SPAG16: variants seen among roughly 807,000 people sequenced by gnomAD.
The protein encoded by SPAG16 is sperm-associated antigen 16 protein.
SPAG16 carries 86 observed loss-of-function variants against 80.4 expected under a neutral mutation model. The ratio of observed to expected loss-of-function variants is 1.07; its 90% confidence interval spans 0.90 to 1.28. SPAG16 has a LOEUF of 1.28. Among genes scored for constraint, SPAG16 ranks in the 50% most tolerant of loss-of-function variants. The probability of loss-of-function intolerance (pLI) is 0.00; values close to 1 mark genes in which losing one functional copy is unlikely to be tolerated. For synonymous variants in SPAG16, 294 were observed against 265.9 expected (o/e 1.11, Z -1.03); for missense variants, 870 against 765.3 (o/e 1.14, Z -1.61).
intron 10 of SPAG16, among the ~76,000 whole-genome samples, chr2:213,590,710 A>G (rs1315829763): frequency 6.6e-6 from 1 of 152,200 alleles, no homozygotes; most frequent in Non-Finnish European, 1.5e-5. Flanking sequence ...TGGGAATGCA[A>G]ATTAGTTCAG....
chr2:214,151,730 C>G (rs1049807458), intron 15 of SPAG16, among the ~76,000 whole-genome samples: 1 of 151,522 alleles, frequency 6.6e-6, no homozygotes, highest in Admixed American at 6.6e-5. Flanking sequence ...TTATATACAC[C>G]TAGCGTGTTA....
chr2:214,131,786 G>C (rs1206064238), intron 14 of SPAG16, among the ~76,000 whole-genome samples: 1 of 152,188 alleles, frequency 6.6e-6, no homozygotes, highest in Non-Finnish European at 1.5e-5. Flanking sequence ...AAAGATCAGT[G>C]GTTGCCAGGG....
At chr2:213,337,430 T>G (rs1050476314) in intron 5 of SPAG16, among the ~76,000 whole-genome samples, 1 of 152,140 alleles carries the variant, frequency 6.6e-6, no homozygotes, top group Non-Finnish European at 1.5e-5. Context: ...TTCACTGAGC[T>G]AAAGAATTAT....
intron 15 of SPAG16, among the ~76,000 whole-genome samples, chr2:214,237,910 A>G (rs1017312968): frequency 3.3e-5 from 5 of 152,114 alleles, no homozygotes; most frequent in Non-Finnish European, 1.5e-5. Context: ...TTTAATTCCT[A>G]TGTTTCATGT....
intron 15 of SPAG16, among the ~76,000 whole-genome samples, chr2:214,293,978 T>G (rs1018326614): frequency 6.6e-6 from 1 of 152,190 alleles, no homozygotes; most frequent in African/African-American, 2.4e-5. Flanking sequence ...GTGGATTTGT[T>G]CTTTGGGTGT....
At chr2:214,074,919 A>T (rs1255037757) in intron 13 of SPAG16, among the ~76,000 whole-genome samples, 1 of 152,188 alleles carries the variant, frequency 6.6e-6, no homozygotes, top group African/African-American at 2.4e-5. Context: ...TGGGAAAAGA[A>T]TATTAATAAT....
At position 213,893,809 on chromosome 2, in the gene SPAG16, C is replaced by T. The variant is rs535583396; in HGVS notation, c.1214+31181C>T. Among the ~76,000 whole-genome samples, 9 of 151,940 alleles carry T rather than the reference C, an allele frequency of 5.9e-5. No homozygotes were observed. The East Asian group carries it at 1.7e-3, about 29-fold the overall frequency. ...AGCAGAGAAAATCAAAATCTTTTAA[C>T]TACAAAAGAATACAACAAGAAAGAA... On this transcript the variant is annotated intron_variant, in intron 11 of 15. Coordinates refer to ENST00000331683, the MANE Select transcript of SPAG16 (RefSeq NM_024532.5).
intron 10 of SPAG16, among the ~76,000 whole-genome samples, chr2:213,806,742 T>C (rs1207986966): frequency 6.6e-6 from 1 of 152,188 alleles, no homozygotes; most frequent in Non-Finnish European, 1.5e-5. Context: ...AGTTAAGGCA[T>C]GGATGATTTT....
intron 12 of SPAG16, among the ~76,000 whole-genome samples, chr2:213,997,010 T>C (rs898661840): frequency 6.6e-6 from 1 of 152,216 alleles, no homozygotes; most frequent in Non-Finnish European, 1.5e-5. Flanking sequence ...ACAACATCCT[T>C]TGGGTAAATG....
At chr2:213,538,106 T>G (rs1367268781) in intron 10 of SPAG16, among the ~76,000 whole-genome samples, 2 of 152,196 alleles carry the variant, frequency 1.3e-5, no homozygotes, top group Admixed American at 6.5e-5. Flanking sequence ...CAAGCTATGA[T>G]AGTGAAAATG....
At chr2:213,518,570 A>AAAAAGTC (rs1273795101) in intron 10 of SPAG16, among the ~76,000 whole-genome samples, 3 of 152,176 alleles carry the variant, frequency 2.0e-5, no homozygotes, top group African/African-American at 7.2e-5. Context: ...GGCTATTATT[A>AAAAAGTC]AAAAGTCAAA....
intron 15 of SPAG16, among the ~76,000 whole-genome samples, chr2:214,167,718 TAA>T (rs1375567925): frequency 1.3e-5 from 2 of 151,946 alleles, no homozygotes; most frequent in Non-Finnish European, 2.9e-5. Context: ...CATGAAATCA[TAA>T]AAGAGTTAAT....
chr2:213,507,296 C>T (rs895650928), intron 10 of SPAG16, among the ~76,000 whole-genome samples: 6 of 152,150 alleles, frequency 3.9e-5, no homozygotes, highest in Non-Finnish European at 8.8e-5. Context: ...GTTTTGGCAC[C>T]GTTGTTTTAA....
rs184080356 is a variant in SPAG16, at chr2:213,509,749, T to G, written c.1070+19659T>G. Among the ~76,000 whole-genome samples the G allele has an allele frequency of 9.6e-4, 146 of 152,072 alleles. 1 individual carries two copies. Among genetic ancestry groups the G allele is most frequent in the African/African-American group, 3.4e-3 (143 of 41,478 alleles). On this transcript the variant is annotated intron_variant, in intron 10 of 15. Coordinates refer to ENST00000331683, the MANE Select transcript of SPAG16 (RefSeq NM_024532.5). ...TAAAATTGACACCCTAACATCACAA[T>G]TAAAAGAACTAGAAAAGCAAGAGCG...
chr2:213,559,692 G>A (rs980379842), intron 10 of SPAG16, among the ~76,000 whole-genome samples: 5 of 151,972 alleles, frequency 3.3e-5, no homozygotes, highest in Non-Finnish European at 7.4e-5. Flanking sequence ...TTTACTGGCT[G>A]TTTTTCCCTA....
rs71428330 is a variant in SPAG16, at chr2:214,116,349, C to T, written c.1593+8088C>T. 4.5e-3 allele frequency among the ~76,000 whole-genome samples: 686 copies of T among 152,336 alleles called. 5 individuals carry two copies. The highest frequency in any genetic ancestry group is 0.019 in the South Asian group (92 of 4,834). The stretch of plus-strand genomic sequence containing the variant: ...AGGAGACTTGCCCATATTCTCTCAA[C>T]CTGGGAGTCTAAGCCTCCATAATGA... On this transcript the variant is annotated intron_variant, in intron 14 of 15. Transcript: ENST00000331683.
intron 9 of SPAG16, among the ~76,000 whole-genome samples, chr2:213,427,688 C>T (rs2070024160): frequency 6.6e-6 from 1 of 152,122 alleles, no homozygotes. Context: ...ATATTCTCAT[C>T]CTGAAAGCAA....
intron 15 of SPAG16, among the ~76,000 whole-genome samples, chr2:214,246,795 T>C (rs1689880320): frequency 1.3e-5 from 2 of 152,174 alleles, no homozygotes; most frequent in Non-Finnish European, 2.9e-5. Context: ...TTTGGAGATA[T>C]TTTTAATGCA....
At chr2:214,328,631 A>T (rs73989424) in intron 15 of SPAG16, among the ~76,000 whole-genome samples, 9,863 of 152,270 alleles carry the variant, frequency 0.065, 1,041 homozygotes, top group African/African-American at 0.22. Context: ...CGTATCTCAA[A>T]TTCTATCTAT....
Sources: allele counts gnomAD v4.1 joint callset (sites outside exome capture counted in the v4.1 genomes callset), GRCh38; gene constraint gnomAD v4.1.1; transcripts MANE v1.5; gene names NCBI Gene and HGNC (gene_info 2026-07-23, HGNC 2026-07-21).